Variants in DHRS4L2 observed in about 807,000 individuals in gnomAD.
The protein encoded by DHRS4L2 is dehydrogenase/reductase 4 like 2, also known as dehydrogenase/reductase SDR family member 4-like 2.
In DHRS4L2, 22 loss-of-function variants were observed where a neutral mutation model predicts 23.9. The ratio of observed to expected loss-of-function variants is 0.92; its 90% confidence interval spans 0.66 to 1.31. The LOEUF (loss-of-function observed/expected upper bound fraction) is 1.31, where lower values mean the gene tolerates loss of function less well. DHRS4L2 is among the 40% of genes most tolerant of loss of function. The probability of loss-of-function intolerance (pLI) is 0.00; values close to 1 mark genes in which losing one functional copy is unlikely to be tolerated. For missense variants in DHRS4L2, 385 were observed against 303.3 expected, an observed-to-expected ratio of 1.27 and a Z score of -2.00; for synonymous variants, 141 against 123.7, an observed-to-expected ratio of 1.14 and a Z score of -0.93.
chr14:23,988,713 C>T (rs753819588), upstream of DHRS4L2: 129 of 1,228,444 alleles, frequency 1.1e-4, 1 homozygote, highest in Non-Finnish European at 1.3e-4. Context: ...GAACGGAGAG[C>T]GCTTTGATCA....
At chr14:23,986,721 G>A (rs540667077), upstream of DHRS4L2, among the ~76,000 whole-genome samples, 25 of 151,366 alleles carry the variant, frequency 1.7e-4, no homozygotes, top group African/African-American at 5.6e-4. Context: ...AAGAGAAGAG[G>A]AAGAGAGATC....
intron 3 of DHRS4L2, among the ~76,000 whole-genome samples, chr14:23,998,628 T>A (rs1156240428): frequency 1.3e-5 from 2 of 151,764 alleles, no homozygotes; most frequent in East Asian, 3.9e-4. Flanking sequence ...GCTTCCAACT[T>A]TTCCGGAGCT....
rs1383000066 is a variant in DHRS4L2, at chr14:23,994,964, A to G, written c.307-68A>G. 3 of 1,590,598 alleles carry G rather than the reference A, an allele frequency of 1.9e-6. No individual in the cohort carries two copies. The East Asian group carries it at 6.7e-5, about 36-fold the overall frequency. ...GCTCCTTGCCCAGAAGGAAGTTTTT[A>G]TCAACATGGGTAAATGCACCTCCCT... On this transcript the variant is annotated intron_variant, in intron 2 of 7. Coordinates refer to ENST00000335125, the MANE Select transcript of DHRS4L2 (RefSeq NM_198083.4).
In DHRS4L2 at chr14:23,988,981, T is replaced by A. The variant is rs760956544; in HGVS notation, c.34T>A (p.Trp12Arg). 13 of 1,611,556 alleles carry A rather than the reference T, an allele frequency of 8.1e-6. No individual in the cohort carries two copies. Among genetic ancestry groups the A allele is most frequent in the Non-Finnish European group, 9.3e-6 (11 of 1,178,656 alleles). Reference sequence around the variant, plus strand: ...GGCCAGGCTGCTAGGCCTCTGTGCCTGGGCACGGAAGTCGGTGCGGATGGC... The same window carrying A: ...GGCCAGGCTGCTAGGCCTCTGTGCCAGGGCACGGAAGTCGGTGCGGATGGC... ...QMARLLGLCA[W>R]ARKSVRMASS... Residue 12 changes from tryptophan (W) to arginine (R), a missense_variant, in exon 1 of 8, where the codon TGG (tryptophan) becomes AGG (arginine). By Grantham distance (101) the Trp-to-Arg change is moderately radical. Coordinates refer to ENST00000335125, the MANE Select transcript of DHRS4L2 (RefSeq NM_198083.4).
intron 6 of DHRS4L2, 122 bp downstream of exon 6, chr14:24,001,639 T>A: frequency 1.4e-6 from 2 of 1,414,482 alleles, no homozygotes; most frequent in Non-Finnish European, 1.9e-6. Context: ...CCCTGGACTT[T>A]CCCATATTCC....
chr14:23,985,977 C>T (rs1245792954), upstream of DHRS4L2, among the ~76,000 whole-genome samples: 4 of 151,538 alleles, frequency 2.6e-5, 1 homozygote, highest in Non-Finnish European at 5.9e-5. Context: ...GACAGGATTT[C>T]ACCATGTTAG....
chr14:23,979,279 C>T (rs1322577944), intron 1 of DHRS4L2, among the ~76,000 whole-genome samples: 1 of 142,492 alleles, frequency 7.0e-6, no homozygotes, highest in African/African-American at 2.7e-5. Flanking sequence ...ACAGGAGCAC[C>T]CAGATTCATA....
intron 2 of DHRS4L2, among the ~76,000 whole-genome samples, chr14:23,991,644 G>T (rs1298261242): frequency 6.6e-6 from 1 of 151,528 alleles, no homozygotes; most frequent in South Asian, 2.1e-4. Flanking sequence ...GGAAAGAGAG[G>T]AGCACTGTCA....
In DHRS4L2 at chr14:23,992,774, G is replaced by C. The variant is rs143534406; in HGVS notation, c.307-2258G>C. Among the ~76,000 whole-genome samples, 710 of 149,620 alleles carry C rather than the reference G, an allele frequency of 4.7e-3. 13 individuals are homozygous for C. Among genetic ancestry groups the C allele is most frequent in the African/African-American group, 0.016 (661 of 40,516 alleles). ...GATCATAGCTCACTGTAACCTCGAA[G>C]TCCTGAACTCAAGCAATCCTCCCAC... On this transcript the variant is annotated intron_variant, in intron 2 of 7. Transcript: ENST00000335125.
chr14:23,993,982 A>T (rs1280179148), intron 2 of DHRS4L2, among the ~76,000 whole-genome samples: 1 of 151,642 alleles, frequency 6.6e-6, no homozygotes, highest in Non-Finnish European at 1.5e-5. Flanking sequence ...CCAAACACAG[A>T]ATAAGCAGGC....
chr14:23,991,392 CG>C (rs1361697580), intron 2 of DHRS4L2, among the ~76,000 whole-genome samples: 5 of 151,658 alleles, frequency 3.3e-5, no homozygotes, highest in South Asian at 4.2e-4. Flanking sequence ...TGGAAGGAGC[CG>C]TTTGGGAGTC....
chr14:23,986,691 A>C (rs1566491722), upstream of DHRS4L2, among the ~76,000 whole-genome samples: 1 of 151,310 alleles, frequency 6.6e-6, no homozygotes, highest in Non-Finnish European at 1.5e-5. Flanking sequence ...TCAGCCCCTC[A>C]GTGGGCCCGT....
chr14:23,998,399 C>G (rs1385443145), intron 3 of DHRS4L2, among the ~76,000 whole-genome samples: 1 of 150,276 alleles, frequency 6.7e-6, no homozygotes, highest in Non-Finnish European at 1.5e-5. Flanking sequence ...ATTGACTTCT[C>G]CTCTCTAGCT....
In DHRS4L2 at chr14:24,005,977, G is replaced by A. The variant is rs918569418; in HGVS notation, c.*114G>A. 2.5e-6 allele frequency: 4 copies of A among 1,610,608 alleles called. No individual in the cohort carries two copies. The highest frequency in any genetic ancestry group is 3.4e-6 in the Non-Finnish European group (4 of 1,178,806). ...CACTGGGGAAACAGTGGTGGTGGGT[G>A]GAGGAACCCCGTCCCGCCTCTGAGG... is the stretch of plus-strand genomic sequence containing the variant. On this transcript the variant is annotated 3_prime_UTR_variant, in exon 8 of 8. Transcript: ENST00000335125.
In DHRS4L2 at chr14:23,988,963, C is replaced by A; in HGVS notation, c.16C>A (p.Leu6Met). 20 of 1,612,210 alleles carry A rather than the reference C, an allele frequency of 1.2e-5. No homozygotes were observed. Among genetic ancestry groups the A allele is most frequent in the Non-Finnish European group, 1.7e-5 (20 of 1,179,174 alleles). ...GGTCTGATCCATGCAGATGGCCAGG[C>A]TGCTAGGCCTCTGTGCCTGGGCACG... is the stretch of plus-strand genomic sequence containing the variant. MQMAR[L>M]LGLCAWARKS... Residue 6 changes from leucine to methionine, a missense_variant, in exon 1 of 8, where the codon CTG becomes ATG. Leu to Met is a conservative substitution (Grantham distance 15, BLOSUM62 2). Coordinates refer to ENST00000335125, the MANE Select transcript of DHRS4L2 (RefSeq NM_198083.4).
chr14:23,998,679 G>A (rs879903392), intron 3 of DHRS4L2, among the ~76,000 whole-genome samples: 1 of 151,784 alleles, frequency 6.6e-6, no homozygotes, highest in African/African-American at 2.4e-5. Flanking sequence ...AAAAGTTAGG[G>A]CCTTTTTCTG....
intron 1 of DHRS4L2, among the ~76,000 whole-genome samples, chr14:23,977,924 G>T (rs1427799404): frequency 4.0e-5 from 6 of 151,516 alleles, no homozygotes; most frequent in Non-Finnish European, 4.4e-5. Context: ...TGCCAACCTT[G>T]TACAAATAAT....
intron 3 of DHRS4L2, among the ~76,000 whole-genome samples, chr14:23,999,367 A>AAAAAAAAAAAAACAAAAC (rs1555330042): frequency 1.7e-4 from 20 of 116,788 alleles, no homozygotes; most frequent in Middle Eastern, 5.3e-3. Context: ...AAAAAAAAAA[A>AAAAAAAAAAAAACAAAAC]AAAAAAACAA....
chr14:23,988,609 A>G (rs71405824), upstream of DHRS4L2: 13,694 of 291,922 alleles, frequency 0.047, 537 homozygotes, highest in African/African-American at 0.068. Flanking sequence ...CTTCCCCAAG[A>G]AGAAAACGTG....
Sources: gnomAD v4.1 joint callset for allele counts (sites outside exome capture counted in the v4.1 genomes callset) on GRCh38, gnomAD v4.1.1 for gene constraint, MANE v1.5 for transcripts, NCBI Gene and HGNC (gene_info 2026-07-23, HGNC 2026-07-21) for gene names.